TACC2: variants seen among roughly 807,000 people sequenced by gnomAD.
The protein encoded by TACC2 is transforming acidic coiled-coil-containing protein 2.
Under a neutral mutation model 227.3 loss-of-function variants are expected in TACC2, and 137 were observed. The ratio of observed to expected loss-of-function variants is 0.60; its 90% CI spans 0.52 to 0.69. The LOEUF is 0.69. Among genes scored for constraint, TACC2 ranks in the 30% least tolerant of loss-of-function variants. TACC2 has a pLI of 0.00. For missense variants in TACC2, 3,470 were observed against 3,694.4 expected (o/e 0.94, Z 1.57); for synonymous variants, 1,523 against 1,487.5 (o/e 1.02, Z -0.55).
At chr10:122,248,258 C>T (rs1014344303) in intron 19 of TACC2, 7 of 196,932 alleles carry the variant, frequency 3.6e-5, no homozygotes, top group East Asian at 2.2e-4. Context: ...ACCCTTTAAT[C>T]GTCCCAACGC....
chr10:122,090,204 G>GTAT (rs879896394), intron 5 of TACC2, among the ~76,000 whole-genome samples: 1 of 152,074 alleles, frequency 6.6e-6, no homozygotes, highest in Non-Finnish European at 1.5e-5. Flanking sequence ...TTATAAATTA[G>GTAT]TATTATAAAT....
Position 122,038,305 on chromosome 10 carries a change from G to T in TACC2, c.34-12133G>T, listed in dbSNP as rs185188846. 3.3e-5 allele frequency among the ~76,000 whole-genome samples: 5 copies of T among 152,260 alleles called. No individual in the cohort carries two copies. In the East Asian group the frequency reaches 9.7e-4, roughly 29 times the overall value. On this transcript the variant is annotated intron_variant, in intron 2 of 22. Transcript: ENST00000369005. ...TAAACAAACACACAAACCAAAAAAC[G>T]AGTGAGGGCTGACATGAAAAAAGTG...
At chr10:122,116,315 T>TA (rs1486428420) in intron 5 of TACC2, among the ~76,000 whole-genome samples, 43 of 152,210 alleles carry the variant, frequency 2.8e-4, no homozygotes, top group Non-Finnish European at 6.2e-4. Flanking sequence ...TCCACAGTGT[T>TA]ATAGAGTTTC....
chr10:122,098,489 A>G (rs1195305806), intron 5 of TACC2, among the ~76,000 whole-genome samples: 1 of 152,140 alleles, frequency 6.6e-6, no homozygotes, highest in Admixed American at 6.5e-5. Flanking sequence ...GGCTGCGTCT[A>G]ACTCACGGCT....
intron 8 of TACC2, among the ~76,000 whole-genome samples, chr10:122,198,504 G>A (rs1250780332): frequency 6.6e-6 from 1 of 152,222 alleles, no homozygotes; most frequent in Non-Finnish European, 1.5e-5. Context: ...TCCCATTCAA[G>A]CATTTGCCTT....
At chr10:122,225,475 G>A (rs1449829873) in intron 12 of TACC2, among the ~76,000 whole-genome samples, 4 of 152,340 alleles carry the variant, frequency 2.6e-5, no homozygotes, top group South Asian at 2.1e-4. Flanking sequence ...TAACTCATGC[G>A]CCACGTCAGT....
At chr10:122,220,584 T>A (rs2095504685) in intron 11 of TACC2, among the ~76,000 whole-genome samples, 1 of 152,206 alleles carries the variant, frequency 6.6e-6, no homozygotes, top group Non-Finnish European at 1.5e-5. Context: ...GGTGCTGATG[T>A]GATTGATCGT....
intron 5 of TACC2, among the ~76,000 whole-genome samples, chr10:122,130,277 T>C (rs2087792919): frequency 6.6e-6 from 1 of 152,146 alleles, no homozygotes; most frequent in Admixed American, 6.6e-5. Context: ...ATTACAGGTG[T>C]GAGCCACTGT....
chr10:122,167,790 C>T (rs949648814), intron 7 of TACC2, among the ~76,000 whole-genome samples: 2 of 152,220 alleles, frequency 1.3e-5, no homozygotes, highest in Admixed American at 1.3e-4. Flanking sequence ...ATGCCCTATG[C>T]CTGAAATTGC....
chr10:122,203,227 T>C (rs1282729695), intron 8 of TACC2, among the ~76,000 whole-genome samples: 1 of 143,742 alleles, frequency 7.0e-6, no homozygotes, highest in Admixed American at 6.9e-5. Flanking sequence ...CATTTCCCAG[T>C]AGGGGCGGCC....
intron 5 of TACC2, among the ~76,000 whole-genome samples, chr10:122,121,476 C>G (rs2085781341): frequency 6.6e-6 from 1 of 152,186 alleles, no homozygotes; most frequent in African/African-American, 2.4e-5. Context: ...GCCCCGGGCT[C>G]TGGCCTCCTA....
In TACC2 at chr10:122,085,013, A is replaced by G. The variant is rs770835948; in HGVS notation, c.2513A>G (p.Glu838Gly). Residue 838 changes from glutamate (E) to glycine (G), a missense_variant, in exon 4 of 23, where the codon GAG (glutamate) becomes GGG (glycine). Glu to Gly is a moderately conservative substitution (Grantham distance 98, BLOSUM62 -2). Transcript: ENST00000369005. ...KHLQPSQAQP[E>G]TSIFDVLKEQ... ...CTCCAGCCATCCCAGGCACAACCAGAGACATCCATCTTTGACGTGCTCAAG... is the reference window on the plus strand; with the variant it reads ...CTCCAGCCATCCCAGGCACAACCAGGGACATCCATCTTTGACGTGCTCAAG... 1.2e-6 allele frequency: 2 copies of G among 1,614,178 alleles called. No individual in the cohort carries two copies. The highest frequency in any genetic ancestry group is 8.5e-7 in the Non-Finnish European group (1 of 1,180,032).
intron 7 of TACC2, among the ~76,000 whole-genome samples, chr10:122,171,099 T>C (rs1422103097): frequency 6.6e-6 from 1 of 151,978 alleles, no homozygotes; most frequent in Non-Finnish European, 1.5e-5. Flanking sequence ...CAGTGGGCCT[T>C]TTAAAAAGGA....
chr10:122,151,864 C>T (rs1184313093), intron 7 of TACC2, among the ~76,000 whole-genome samples: 3 of 152,184 alleles, frequency 2.0e-5, no homozygotes, highest in Non-Finnish European at 2.9e-5. Context: ...AGGCTGAAGG[C>T]AGGTGCTGGG....
intron 7 of TACC2, chr10:122,163,694 C>G: frequency 1.8e-6 from 2 of 1,097,474 alleles, no homozygotes; most frequent in Non-Finnish European, 2.2e-6. Context: ...GGGCGCGCGC[C>G]GGCCACACTC....
intron 5 of TACC2, among the ~76,000 whole-genome samples, chr10:122,132,067 A>AGGAAGGAAGGACGGAAGGAAGG (rs57429902): frequency 3.5e-5 from 1 of 28,812 alleles, no homozygotes; most frequent in African/African-American, 7.8e-5. Flanking sequence ...AAAGAAAGAA[A>AGGAAGGAAGGACGGAAGGAAGG]AAGAAAGAAA....
chr10:122,055,281 G>A (rs761092480), intron 3 of TACC2, among the ~76,000 whole-genome samples: 4 of 152,100 alleles, frequency 2.6e-5, no homozygotes, highest in Non-Finnish European at 5.9e-5. Flanking sequence ...GTATGGGAGC[G>A]TCGTTACACG....
intron 2 of TACC2, among the ~76,000 whole-genome samples, chr10:122,039,196 G>A (rs11200363): frequency 0.37 from 55,843 of 152,008 alleles, 10,707 homozygotes; most frequent in South Asian, 0.46. Context: ...TCCTGGTCTC[G>A]AACTCCTGAC....
At chr10:122,122,003 T>C (rs2085911502) in intron 5 of TACC2, among the ~76,000 whole-genome samples, 1 of 152,192 alleles carries the variant, frequency 6.6e-6, no homozygotes, top group East Asian at 1.9e-4. Context: ...GTTCTCGCCA[T>C]GGGTCTCTTT....
Sources: gnomAD v4.1 joint callset for allele counts (sites outside exome capture counted in the v4.1 genomes callset) on GRCh38, gnomAD v4.1.1 for gene constraint, MANE v1.5 for transcripts, NCBI Gene and HGNC (gene_info 2026-07-23, HGNC 2026-07-21) for gene names.